STON1: variants seen among roughly 807,000 people sequenced by gnomAD.
STON1 encodes the protein stonin-1.
STON1 carries 79 observed loss-of-function variants against 60.9 expected under a neutral mutation model. That is an observed-to-expected ratio of 1.30 (90% confidence interval 1.08 to 1.56). STON1 has a LOEUF of 1.56. STON1 is among the 40% of genes most tolerant of loss of function. STON1 has a pLI of 0.00. For synonymous variants in STON1, 363 were observed against 306.9 expected (o/e 1.18, Z -1.91); for missense variants, 1,166 against 858.9 (o/e 1.36, Z -4.47).
chr2:48,590,828 T>C (rs998302911), intron 2 of STON1, among the ~76,000 whole-genome samples: 2 of 152,208 alleles, frequency 1.3e-5, no homozygotes, highest in Admixed American at 1.3e-4. Flanking sequence ...TGTATAGCTG[T>C]TCCAGTCAAA....
At chr2:48,555,382 C>T (rs1421637236) in intron 1 of STON1, among the ~76,000 whole-genome samples, 1 of 52,606 alleles carries the variant, frequency 1.9e-5, no homozygotes, top group African/African-American at 7.1e-5. Flanking sequence ...CTCCTCACTT[C>T]CCAGTAGGGG....
intron 1 of STON1, among the ~76,000 whole-genome samples, chr2:48,567,591 T>C (rs1289515698): frequency 6.6e-6 from 1 of 152,118 alleles, no homozygotes; most frequent in Non-Finnish European, 1.5e-5. Context: ...TTTGTATTTT[T>C]AGTAGAGACG....
At chr2:48,558,122 C>T (rs1242949402) in intron 1 of STON1, among the ~76,000 whole-genome samples, 1 of 152,168 alleles carries the variant, frequency 6.6e-6, no homozygotes, top group African/African-American at 2.4e-5. Context: ...ACTCGGCAGG[C>T]TGAGGCAGAA....
At chr2:48,588,756 G>T (rs1040999391) in intron 2 of STON1, among the ~76,000 whole-genome samples, 1 of 151,940 alleles carries the variant, frequency 6.6e-6, no homozygotes, top group Non-Finnish European at 1.5e-5. Flanking sequence ...TTTTTTACTG[G>T]GGAAATCACC....
At chr2:48,586,203 A>C (rs1674198081) in intron 2 of STON1, among the ~76,000 whole-genome samples, 1 of 152,180 alleles carries the variant, frequency 6.6e-6, no homozygotes, top group South Asian at 2.1e-4. Flanking sequence ...ATAATACTGC[A>C]TTTTTTTCAG....
At chr2:48,538,943 A>C (rs1172868842) in intron 1 of STON1, among the ~76,000 whole-genome samples, 1 of 151,664 alleles carries the variant, frequency 6.6e-6, no homozygotes, top group East Asian at 1.9e-4. Flanking sequence ...TAGAGATGGG[A>C]TCTTGCTGTG....
rs1673889022 is a variant in STON1, at chr2:48,581,575, A to T, written c.942A>T (p.Gly314=). The change falls in exon 2 of 4, where the codon GGA becomes GGT. Residue 314 remains glycine, a synonymous_variant. Transcript: ENST00000404752. ...GGILQMYYEQ[G]LEKPFKEIQL... is the part of the protein sequence containing the mutation. ...TTTTGCAGATGTATTATGAACAGGG[A>T]TTAGAAAAACCATTTAAAGAGATAC... 6.2e-7 allele frequency: 1 copy of T among 1,614,094 alleles called. No homozygotes were observed. The highest frequency in any genetic ancestry group is 1.7e-5 in the Admixed American group (1 of 59,990).
chr2:48,536,140 C>T (rs1671418293), intron 1 of STON1, among the ~76,000 whole-genome samples: 1 of 151,988 alleles, frequency 6.6e-6, no homozygotes, highest in Non-Finnish European at 1.5e-5. Flanking sequence ...TGTGATTACC[C>T]AGTGAGCTGT....
Position 48,582,088 on chromosome 2 carries a change from C to T in STON1, c.1455C>T (p.Tyr485=). The T allele has an allele frequency of 2.5e-6, 4 of 1,614,126 alleles. No homozygotes were observed. ...AAAAGGGGATTGATATTCTTGACTA[C>T]CATTTTCATAAGTGTGTGAATGTAC... ...SEKKGIDILD[Y]HFHKCVNVQE... Residue 485 remains tyrosine, a synonymous_variant, in exon 2 of 4, where the codon TAC becomes TAT. Coordinates refer to ENST00000404752, the MANE Select transcript of STON1 (RefSeq NM_006873.4).
At position 48,588,817 on chromosome 2, in the gene STON1, T is replaced by C. The variant is rs185553898; in HGVS notation, c.1931-2836T>C. On this transcript the variant is annotated intron_variant, in intron 2 of 3. Coordinates refer to ENST00000404752, the MANE Select transcript of STON1 (RefSeq NM_006873.4). ...GCTGCTGGTCCCTTAATGTCCCTTC[T>C]AACCAGCTTGTCAATGCTTAGTATT... is the stretch of plus-strand genomic sequence containing the variant. Among the ~76,000 whole-genome samples, 15 of 152,304 alleles carry C rather than the reference T, an allele frequency of 9.8e-5. No homozygotes were observed. In the East Asian group the frequency reaches 2.9e-3, roughly 29 times the overall value.
At chr2:48,536,807 AT>A (rs1327964660) in intron 1 of STON1, among the ~76,000 whole-genome samples, 3 of 152,128 alleles carry the variant, frequency 2.0e-5, no homozygotes, top group African/African-American at 4.8e-5. Flanking sequence ...ATTCAGGTGA[AT>A]GATTACTGGT....
intron 1 of STON1, among the ~76,000 whole-genome samples, chr2:48,571,967 A>G (rs1292218837): frequency 6.6e-6 from 1 of 152,210 alleles, no homozygotes. Context: ...GTTCGAGACC[A>G]GCCTGGCCAA....
chr2:48,582,795 C>A (rs1443685588), intron 2 of STON1, among the ~76,000 whole-genome samples: 2 of 152,148 alleles, frequency 1.3e-5, no homozygotes, highest in Non-Finnish European at 2.9e-5. Flanking sequence ...ATACGAAATA[C>A]CATGCTAGGC....
At chr2:48,580,166 C>G (rs1324325904) in intron 1 of STON1, among the ~76,000 whole-genome samples, 1 of 152,130 alleles carries the variant, frequency 6.6e-6, no homozygotes, top group Non-Finnish European at 1.5e-5. Context: ...CCTCGGCCTC[C>G]CAAAGTGCTG....
chr2:48,533,072 G>C (rs1427329240), intron 1 of STON1, among the ~76,000 whole-genome samples: 1 of 151,990 alleles, frequency 6.6e-6, no homozygotes, highest in Non-Finnish European at 1.5e-5. Context: ...GGGCAACAAA[G>C]TGAGACCCCA....
In STON1 at chr2:48,581,959, T is replaced by A; in HGVS notation, c.1326T>A (p.Ile442=). ...TTGAAAGTGCTGTGATAACTCAAAT[T>A]TATTGCCTCTGCTTTGTGAATGGGA... ...KFVESAVITQ[I]YCLCFVNGNL... Residue 442 remains isoleucine (I), a synonymous_variant, in exon 2 of 4, where the codon ATT becomes ATA. Transcript: ENST00000404752. 6.2e-7 allele frequency: 1 copy of A among 1,614,206 alleles called. No individual in the cohort carries two copies.
rs574624408 is a variant in STON1 at position 48,567,498 on chromosome 2, G to A, written c.-47-13089G>A. Reference sequence around the variant, plus strand: ...GCGATCTTAGCTCACTGCAGTCTCCGCCTCCTGTGTTCAAGCGATTCTCCT... The same window carrying A: ...GCGATCTTAGCTCACTGCAGTCTCCACCTCCTGTGTTCAAGCGATTCTCCT... On this transcript the variant is annotated intron_variant, in intron 1 of 3. Coordinates refer to ENST00000404752, the MANE Select transcript of STON1 (RefSeq NM_006873.4). Among the ~76,000 whole-genome samples, 28 of 152,166 alleles carry A rather than the reference G, an allele frequency of 1.8e-4. No homozygotes were observed. The East Asian group carries it at 4.4e-3, about 24-fold the overall frequency.
At chr2:48,588,105 A>G (rs1674316324) in intron 2 of STON1, among the ~76,000 whole-genome samples, 1 of 152,222 alleles carries the variant, frequency 6.6e-6, no homozygotes, top group Admixed American at 6.5e-5. Context: ...TTGTGGGCCC[A>G]GGAATCACCT....
intron 1 of STON1, among the ~76,000 whole-genome samples, chr2:48,543,364 C>G (rs1296448563): frequency 6.6e-6 from 1 of 152,058 alleles, no homozygotes; most frequent in African/African-American, 2.4e-5. Flanking sequence ...TGCTTCTGTA[C>G]CAGCTGTTAT....
Sources: allele counts gnomAD v4.1 joint callset (sites outside exome capture counted in the v4.1 genomes callset), GRCh38; gene constraint gnomAD v4.1.1; transcripts MANE v1.5; gene names NCBI Gene and HGNC (gene_info 2026-07-23, HGNC 2026-07-21).